SNTG1: variants seen among roughly 807,000 people sequenced by gnomAD.
The protein encoded by SNTG1 is syntrophin gamma 1.
In SNTG1, 39 loss-of-function variants were observed where a neutral mutation model predicts 74.7. The observed-to-expected ratio is 0.52, with a 90% CI of 0.40 to 0.68. SNTG1 has a LOEUF of 0.68. SNTG1 is among the 30% of genes least tolerant of loss of function. SNTG1 has a pLI of 0.00. For missense variants in SNTG1, 685 were observed against 609.5 expected (o/e 1.12, Z -1.30); for synonymous variants, 254 against 217.1 (o/e 1.17, Z -1.49).
intron 1 of SNTG1, among the ~76,000 whole-genome samples, chr8:49,956,791 T>C (rs1810216473): frequency 6.6e-6 from 1 of 151,968 alleles, no homozygotes; most frequent in Non-Finnish European, 1.5e-5. Context: ...AGAAAAAAAA[T>C]GGGACTTTAA....
At chr8:50,182,927 C>T (rs781246216) in intron 2 of SNTG1, among the ~76,000 whole-genome samples, 1 of 152,048 alleles carries the variant, frequency 6.6e-6, no homozygotes, top group African/African-American at 2.4e-5. Context: ...GAGACTAGAG[C>T]CAATAAATAT....
intron 12 of SNTG1, among the ~76,000 whole-genome samples, chr8:50,586,012 T>C (rs1460613133): frequency 1.3e-5 from 2 of 152,182 alleles, no homozygotes; most frequent in African/African-American, 4.8e-5. Flanking sequence ...AAAGCATCAA[T>C]GGATTCATTT....
intron 8 of SNTG1, among the ~76,000 whole-genome samples, chr8:50,458,900 C>G (rs1221145042): frequency 6.6e-6 from 1 of 152,068 alleles, no homozygotes; most frequent in African/African-American, 2.4e-5. Flanking sequence ...TTTTTTGAAG[C>G]TTAAAGGTTT....
intron 2 of SNTG1, among the ~76,000 whole-genome samples, chr8:50,291,242 A>AAGTGTGTG (rs567146667): frequency 4.0e-5 from 6 of 149,184 alleles, no homozygotes; most frequent in African/African-American, 1.5e-4. Flanking sequence ...AGACAGACAT[A>AAGTGTGTG]TGTGTGTGTG....
At position 50,098,751 on chromosome 8, in the gene SNTG1, G is replaced by T. The variant is rs79885899; in HGVS notation, c.-102-73810G>T. On this transcript the variant is annotated intron_variant, in intron 1 of 18. Transcript: ENST00000642720. ...TTTGAATATCAGTCCTTATTTATAA[G>T]CCATATAATTTTGCAAGTGATTTAA... Among the ~76,000 whole-genome samples, 4 of 152,210 alleles carry T rather than the reference G, an allele frequency of 2.6e-5. No individual in the cohort carries two copies. The East Asian group carries it at 7.7e-4, about 29-fold the overall frequency.
At chr8:49,995,859 G>A (rs1814160205) in intron 1 of SNTG1, among the ~76,000 whole-genome samples, 1 of 152,164 alleles carries the variant, frequency 6.6e-6, no homozygotes, top group African/African-American at 2.4e-5. Context: ...TGTATTAGCT[G>A]ATCGCAAGAT....
intron 2 of SNTG1, among the ~76,000 whole-genome samples, chr8:50,366,191 A>G (rs1368037271): frequency 3.9e-5 from 6 of 152,186 alleles, no homozygotes. Context: ...TAACATTGCC[A>G]AGACATGCTT....
chr8:50,599,307 T>C (rs1021486003), intron 13 of SNTG1, among the ~76,000 whole-genome samples: 6 of 152,034 alleles, frequency 3.9e-5, no homozygotes, highest in African/African-American at 1.2e-4. Context: ...ATTCCTCTAG[T>C]TTTCTTCTTT....
intron 11 of SNTG1, 59 bp from the exon 12 acceptor site, chr8:50,552,991 G>C: frequency 6.3e-7 from 1 of 1,593,408 alleles, no homozygotes; most frequent in South Asian, 1.1e-5. Context: ...ATACTATTAC[G>C]AGCTGCAAAT....
At chr8:50,025,985 G>C (rs189281846) in intron 1 of SNTG1, among the ~76,000 whole-genome samples, 1 of 152,242 alleles carries the variant, frequency 6.6e-6, no homozygotes, top group East Asian at 1.9e-4. Context: ...CTGTGGCCCA[G>C]ATTTTCTTAA....
intron 2 of SNTG1, among the ~76,000 whole-genome samples, chr8:50,182,500 G>T (rs1386177294): frequency 6.6e-6 from 1 of 152,082 alleles, no homozygotes; most frequent in Non-Finnish European, 1.5e-5. Context: ...GGTACAAGAT[G>T]CATGTTACTA....
intron 2 of SNTG1, among the ~76,000 whole-genome samples, chr8:50,176,618 T>C (rs1395580096): frequency 1.3e-5 from 2 of 152,194 alleles, no homozygotes; most frequent in Admixed American, 6.5e-5. Context: ...TGTTTGCTTG[T>C]TTTATGTTTC....
intron 2 of SNTG1, among the ~76,000 whole-genome samples, chr8:50,185,909 ATGG>A (rs1231448766): frequency 6.6e-6 from 1 of 151,618 alleles, no homozygotes; most frequent in Non-Finnish European, 1.5e-5. Context: ...TACATGTGCC[ATGG>A]TGGTTTGTTT....
At chr8:50,613,825 C>T (rs1294299358) in intron 13 of SNTG1, among the ~76,000 whole-genome samples, 1 of 152,136 alleles carries the variant, frequency 6.6e-6, no homozygotes, top group Non-Finnish European at 1.5e-5. Flanking sequence ...GGAACGATAA[C>T]ATAAATTTGT....
chr8:50,727,469 T>C (rs1307217737), intron 17 of SNTG1, among the ~76,000 whole-genome samples: 1 of 152,130 alleles, frequency 6.6e-6, no homozygotes, highest in Non-Finnish European at 1.5e-5. Flanking sequence ...AACCACAATA[T>C]CCACTGCAGT....
At chr8:50,611,882 T>C (rs956591941) in intron 13 of SNTG1, among the ~76,000 whole-genome samples, 1 of 152,126 alleles carries the variant, frequency 6.6e-6, no homozygotes, top group East Asian at 1.9e-4. Context: ...TCCTCCTACC[T>C]CAGCCTCCTC....
In SNTG1 at chr8:50,553,030, T is replaced by C. The variant is rs1320463978; in HGVS notation, c.681-20T>C. ...TCAATGACATGAGGTTTTGATCTGA[T>C]TTGTTCTGAACATCTGCAGGCAGAA... On this transcript the variant is annotated intron_variant, in intron 11 of 18. Coordinates refer to ENST00000642720, the MANE Select transcript of SNTG1 (RefSeq NM_018967.5). 6.2e-7 allele frequency: 1 copy of C among 1,613,468 alleles called. No individual in the cohort carries two copies. The highest frequency in any genetic ancestry group is 8.5e-7 in the Non-Finnish European group (1 of 1,179,592).
At chr8:50,427,329 A>G (rs1003037430) in intron 4 of SNTG1, among the ~76,000 whole-genome samples, 1 of 152,240 alleles carries the variant, frequency 6.6e-6, no homozygotes, top group Non-Finnish European at 1.5e-5. Flanking sequence ...ATTAATATCA[A>G]TATTTACAAA....
chr8:50,040,841 G>A (rs549883651), intron 1 of SNTG1, among the ~76,000 whole-genome samples: 20 of 152,216 alleles, frequency 1.3e-4, no homozygotes, highest in African/African-American at 4.8e-4. Context: ...CATTTTTGTT[G>A]TTTAAAAGTG....
Sources: gnomAD v4.1 joint callset for allele counts (sites outside exome capture counted in the v4.1 genomes callset) on GRCh38, gnomAD v4.1.1 for gene constraint, MANE v1.5 for transcripts, NCBI Gene and HGNC (gene_info 2026-07-23, HGNC 2026-07-21) for gene names.